ACACA: variants seen among roughly 807,000 people sequenced by gnomAD.
The protein encoded by ACACA is acetyl-CoA carboxylase alpha.
ACACA carries 103 observed loss-of-function variants against 296.1 expected under a neutral mutation model. The observed-to-expected ratio is 0.35, with a 90% CI of 0.30 to 0.41. ACACA has a LOEUF of 0.41. ACACA is among the 10% of genes least tolerant of loss of function. ACACA has a pLI of 1.00. For missense variants in ACACA, 1,554 were observed against 2,989.7 expected, an observed-to-expected ratio of 0.52 and a Z score of 11.20; for synonymous variants, 953 against 1,038.6, an observed-to-expected ratio of 0.92 and a Z score of 1.58.
chr17:37,169,632 G>A (rs568492434), intron 41 of ACACA, among the ~76,000 whole-genome samples: 8 of 152,078 alleles, frequency 5.3e-5, no homozygotes, highest in East Asian at 1.9e-4. Flanking sequence ...ATTTCATATC[G>A]AAAATTCTAC....
intron 10 of ACACA, among the ~76,000 whole-genome samples, chr17:37,268,559 A>G (rs933492143): frequency 7.8e-4 from 119 of 152,150 alleles, no homozygotes; most frequent in Non-Finnish European, 1.9e-4. Flanking sequence ...CAGCCTTTCT[A>G]CTATCTTGAA....
intron 1 of ACACA, among the ~76,000 whole-genome samples, chr17:37,388,951 G>C (rs1468066890): frequency 1.3e-5 from 2 of 152,182 alleles, no homozygotes; most frequent in Non-Finnish European, 2.9e-5. Context: ...AAAGTTGCTT[G>C]ACTGTTCTAA....
At chr17:37,374,597 T>C (rs2049928389) in intron 1 of ACACA, among the ~76,000 whole-genome samples, 1 of 152,198 alleles carries the variant, frequency 6.6e-6, no homozygotes, top group African/African-American at 2.4e-5. Context: ...CTTCATTCTC[T>C]TTTATGCTCC....
chr17:37,130,736 G>A (rs897921433), intron 45 of ACACA, among the ~76,000 whole-genome samples: 1 of 152,070 alleles, frequency 6.6e-6, no homozygotes, highest in African/African-American at 2.4e-5. Context: ...GTGAGGCTGA[G>A]ACCCAGAGGC....
At chr17:37,122,675 AG>A (rs777998259) in intron 48 of ACACA, 48 bp from the exon 49 acceptor site, 28 of 1,493,302 alleles carry the variant, frequency 1.9e-5, no homozygotes, top group Non-Finnish European at 2.6e-5. Context: ...TCAACATTAT[AG>A]CTAGCCATTT....
chr17:37,337,035 A>G (rs1034110307), intron 2 of ACACA, among the ~76,000 whole-genome samples: 2 of 152,170 alleles, frequency 1.3e-5, no homozygotes. Context: ...GGAACTTGTT[A>G]GAAGTGCAAA....
chr17:37,369,136 A>C (rs2049710457), intron 1 of ACACA, among the ~76,000 whole-genome samples: 1 of 152,208 alleles, frequency 6.6e-6, no homozygotes, highest in Admixed American at 6.6e-5. Context: ...TGCTACATGA[A>C]GAAATACGGA....
rs1567653637 is a variant in ACACA at position 37,097,375 on chromosome 17, T to G, written c.6721-209A>C. Among the ~76,000 whole-genome samples the G allele has an allele frequency of 6.6e-6, 1 of 152,194 alleles. No individual in the cohort carries two copies. The highest frequency in any genetic ancestry group is 1.5e-5 in the Non-Finnish European group (1 of 68,036). ...CTGTCTGCAGCACTGTGCACAGCCA[T>G]GGGCCTGGCTAATGCTGATCCCACA... On this transcript the variant is annotated intron_variant, in intron 53 of 55. Transcript: ENST00000616317. This position sits in a 1 kb window ranked among gnomAD's most constrained non-coding sequence, Gnocchi z 4.8.
chr17:37,182,094 A>G (rs573499184), intron 39 of ACACA, among the ~76,000 whole-genome samples: 3 of 152,064 alleles, frequency 2.0e-5, no homozygotes, highest in African/African-American at 7.2e-5. Flanking sequence ...TGCAGTAAAG[A>G]TAATTCTCTT....
intron 2 of ACACA, among the ~76,000 whole-genome samples, chr17:37,332,925 A>AG: frequency 6.6e-6 from 1 of 151,978 alleles, no homozygotes; most frequent in East Asian, 1.9e-4. Context: ...AAAAAAAAAA[A>AG]AAAGATTAAT....
At chr17:37,118,944 A>T (rs909992426) in intron 50 of ACACA, among the ~76,000 whole-genome samples, 1 of 152,240 alleles carries the variant, frequency 6.6e-6, no homozygotes, top group Admixed American at 6.5e-5. Flanking sequence ...TTTTCCTAGA[A>T]GTGGCACATT....
intron 35 of ACACA, among the ~76,000 whole-genome samples, chr17:37,197,654 G>A (rs1025058031): frequency 3.3e-5 from 5 of 152,274 alleles, no homozygotes; most frequent in South Asian, 2.1e-4. Flanking sequence ...GCAGCACCAC[G>A]ACAGTGACCC....
At chr17:37,185,963 C>G (rs1397918819) in intron 39 of ACACA, among the ~76,000 whole-genome samples, 1 of 152,206 alleles carries the variant, frequency 6.6e-6, no homozygotes, top group Non-Finnish European at 1.5e-5. Flanking sequence ...GACTGCCTGA[C>G]ATCAGTGTTC....
chr17:37,298,720 A>G (rs1009908162), intron 3 of ACACA, among the ~76,000 whole-genome samples: 1 of 152,208 alleles, frequency 6.6e-6, no homozygotes, highest in African/African-American at 2.4e-5. Flanking sequence ...AGAGGCCTGA[A>G]GAAGGCCCAA....
chr17:37,092,504 A>G (rs1245613646), intron 54 of ACACA, among the ~76,000 whole-genome samples: 1 of 152,244 alleles, frequency 6.6e-6, no homozygotes, highest in Non-Finnish European at 1.5e-5. Context: ...TGTCTGCATC[A>G]GTGGATAAGT....
chr17:37,097,223 C>A lies in ACACA; in HGVS notation c.6721-57G>T. 2 of 1,588,176 alleles carry A rather than the reference C, an allele frequency of 1.3e-6. No homozygotes were observed. The highest frequency in any genetic ancestry group is 1.7e-6 in the Non-Finnish European group (2 of 1,167,934). ...TCCTAATTCCTGCTTAATGCTCAGT[C>A]TGGAGGGAAACCCACAGGCATAAAA... On this transcript the variant is annotated intron_variant, in intron 53 of 55. Coordinates refer to ENST00000616317, the MANE Select transcript of ACACA (RefSeq NM_198834.3). The surrounding 1 kb of genome is among the most constrained non-coding windows in gnomAD (Gnocchi z 4.8).
chr17:37,362,898 C>G (rs1485669580), intron 1 of ACACA, among the ~76,000 whole-genome samples: 18 of 151,314 alleles, frequency 1.2e-4, no homozygotes, highest in African/African-American at 4.4e-4. Context: ...TGGCGCGAAC[C>G]CGGGAGGCGG....
At chr17:37,299,768 A>G (rs2083531345) in intron 3 of ACACA, 2 of 998,888 alleles carry the variant, frequency 2.0e-6, no homozygotes, top group Admixed American at 1.1e-4. Context: ...CCTGGCTGCC[A>G]GGAGCACATG....
chr17:37,391,532 T>C, intron 1 of ACACA: 1 of 880,404 alleles, frequency 1.1e-6, no homozygotes, highest in African/African-American at 1.7e-5. Flanking sequence ...AGAGGCAAAA[T>C]GAAGTGCACT....
Sources: allele counts gnomAD v4.1 joint callset (sites outside exome capture counted in the v4.1 genomes callset), GRCh38; gene constraint gnomAD v4.1.1; non-coding constraint Gnocchi (gnomAD v3.1); transcripts MANE v1.5; gene names NCBI Gene and HGNC (gene_info 2026-07-23, HGNC 2026-07-21).